Variants in EEFSEC observed in about 807,000 individuals in gnomAD.
EEFSEC encodes the protein eukaryotic elongation factor, selenocysteine-tRNA specific, also known as selenocysteine-specific elongation factor.
A neutral mutation model predicts 42.1 loss-of-function variants in EEFSEC; 43 were observed. That is an observed-to-expected ratio of 1.02 (90% confidence interval 0.80 to 1.32). The LOEUF is 1.32. Among genes scored for constraint, EEFSEC ranks in the 40% most tolerant of loss-of-function variants. The pLI is 0.00. For missense variants in EEFSEC, 745 were observed against 803.6 expected (o/e 0.93, Z 0.88); for synonymous variants, 354 against 339.1 (o/e 1.04, Z -0.48).
At chr3:128,294,662 G>A (rs1190954010) in intron 4 of EEFSEC, among the ~76,000 whole-genome samples, 1 of 152,194 alleles carries the variant, frequency 6.6e-6, no homozygotes, top group Non-Finnish European at 1.5e-5. Context: ...GACCCCAAGG[G>A]AGGGTCTGGT....
chr3:128,406,551 T>C (rs533147407), intron 6 of EEFSEC, among the ~76,000 whole-genome samples: 2 of 152,346 alleles, frequency 1.3e-5, no homozygotes, highest in Non-Finnish European at 2.9e-5. Context: ...TGTGAGGTGA[T>C]GAATGTGTTA....
At chr3:128,306,322 A>G (rs1366266955) in intron 4 of EEFSEC, among the ~76,000 whole-genome samples, 2 of 152,162 alleles carry the variant, frequency 1.3e-5, no homozygotes, top group African/African-American at 2.4e-5. Flanking sequence ...TTGTTTTTGC[A>G]TTGCCTACAA....
At chr3:128,356,606 A>T (rs1269530377) in intron 5 of EEFSEC, among the ~76,000 whole-genome samples, 2 of 152,190 alleles carry the variant, frequency 1.3e-5, no homozygotes, top group Non-Finnish European at 2.9e-5. Context: ...AATTCTATTA[A>T]CTTATTTGTA....
chr3:128,356,273 A>G (rs775495466), intron 5 of EEFSEC, among the ~76,000 whole-genome samples: 3 of 152,200 alleles, frequency 2.0e-5, no homozygotes, highest in Non-Finnish European at 4.4e-5. Flanking sequence ...AGAAAGTTGT[A>G]AGCTCTTAGT....
chr3:128,195,368 A>C (rs564369683), intron 1 of EEFSEC, among the ~76,000 whole-genome samples: 3 of 152,294 alleles, frequency 2.0e-5, no homozygotes, highest in Admixed American at 2.0e-4. Context: ...ATGGCAATGG[A>C]GGGGGCAAGT....
intron 1 of EEFSEC, among the ~76,000 whole-genome samples, chr3:128,198,885 G>A (rs2065615083): frequency 6.6e-6 from 1 of 151,498 alleles, no homozygotes; most frequent in African/African-American, 2.4e-5. Context: ...ATGCTGGAGT[G>A]CGGTGGCACT....
chr3:128,174,188 G>A (rs2065326189), intron 1 of EEFSEC, among the ~76,000 whole-genome samples: 1 of 152,160 alleles, frequency 6.6e-6, no homozygotes, highest in Non-Finnish European at 1.5e-5. Flanking sequence ...TGGTGAAAAA[G>A]GCCAGTGAAA....
At chr3:128,294,597 G>C (rs1291596318) in intron 4 of EEFSEC, among the ~76,000 whole-genome samples, 1 of 152,226 alleles carries the variant, frequency 6.6e-6, no homozygotes, top group Non-Finnish European at 1.5e-5. Flanking sequence ...TTGTGGGACA[G>C]AGAGAGCCAA....
chr3:128,248,630 C>T (rs1198277758), intron 2 of EEFSEC, among the ~76,000 whole-genome samples: 3 of 152,110 alleles, frequency 2.0e-5, no homozygotes, highest in South Asian at 2.1e-4. Context: ...ATCTCCCTGT[C>T]GTTTTATTTA....
At chr3:128,267,337 A>G (rs967991155) in intron 4 of EEFSEC, among the ~76,000 whole-genome samples, 9 of 152,182 alleles carry the variant, frequency 5.9e-5, no homozygotes, top group Non-Finnish European at 1.3e-4. Flanking sequence ...ACTTGGGCAC[A>G]TGGCAGGTGC....
At chr3:128,203,469 A>G (rs2065662800) in intron 1 of EEFSEC, among the ~76,000 whole-genome samples, 1 of 152,218 alleles carries the variant, frequency 6.6e-6, no homozygotes, top group Non-Finnish European at 1.5e-5. Flanking sequence ...GGCAAATGTC[A>G]GCCAGCACTG....
At chr3:128,180,866 T>A (rs1053639567) in intron 1 of EEFSEC, among the ~76,000 whole-genome samples, 4 of 152,154 alleles carry the variant, frequency 2.6e-5, no homozygotes, top group African/African-American at 7.2e-5. Context: ...AAAATGAATT[T>A]AAAAAAAGGG....
At chr3:128,411,863 A>G (rs551695380), downstream of EEFSEC, among the ~76,000 whole-genome samples, 49 of 152,326 alleles carry the variant, frequency 3.2e-4, no homozygotes, top group East Asian at 4.1e-3. Flanking sequence ...TGCCCTGGCC[A>G]TGCATGTGCA....
intron 4 of EEFSEC, among the ~76,000 whole-genome samples, chr3:128,306,361 C>T (rs1333144647): frequency 6.6e-6 from 1 of 152,058 alleles, no homozygotes; most frequent in East Asian, 1.9e-4. Flanking sequence ...TGTTGCTCTG[C>T]CTTTTGATAT....
chr3:128,318,288 C>T lies in EEFSEC; in HGVS notation c.787-22945C>T, dbSNP rs114768514. 6.4e-3 allele frequency among the ~76,000 whole-genome samples: 976 copies of T among 152,304 alleles called. 13 individuals carry two copies. The highest frequency in any genetic ancestry group is 0.022 in the African/African-American group (927 of 41,564). On this transcript the variant is annotated intron_variant, in intron 4 of 6. Coordinates refer to ENST00000254730, the MANE Select transcript of EEFSEC (RefSeq NM_021937.5). ...TGTCCTTTGCAAAGTTTTGCTGGGA[C>T]AACTTTCTCATAGACTGTGTTCCAG...
intron 1 of EEFSEC, among the ~76,000 whole-genome samples, chr3:128,162,037 T>A (rs2065194765): frequency 1.3e-5 from 2 of 152,214 alleles, no homozygotes; most frequent in African/African-American, 2.4e-5. Flanking sequence ...CAGGAGAATC[T>A]GTGTAGGAAT....
chr3:128,177,361 G>T (rs2065360472), intron 1 of EEFSEC, among the ~76,000 whole-genome samples: 1 of 151,772 alleles, frequency 6.6e-6, no homozygotes, highest in Admixed American at 6.6e-5. Flanking sequence ...ACTTGTTGGG[G>T]GTGTCCTCCT....
the EEFSEC span, among the ~76,000 whole-genome samples, chr3:128,414,398 C>T: frequency 9.1e-4 from 138 of 152,300 alleles, no homozygotes; most frequent in African/African-American, 2.7e-3. Flanking sequence ...CGCAGGGACC[C>T]AGAGGACCTT....
intron 4 of EEFSEC, among the ~76,000 whole-genome samples, chr3:128,285,020 G>A (rs2066568502): frequency 6.6e-6 from 1 of 152,056 alleles, no homozygotes; most frequent in African/African-American, 2.4e-5. Flanking sequence ...GGTTGGAGGG[G>A]TCCAGAGTGG....
Sources: allele counts gnomAD v4.1 joint callset (sites outside exome capture counted in the v4.1 genomes callset), GRCh38; gene constraint gnomAD v4.1.1; transcripts MANE v1.5; gene names NCBI Gene and HGNC (gene_info 2026-07-23, HGNC 2026-07-21).